SSBP3: variants seen among roughly 807,000 people sequenced by gnomAD.
SSBP3 encodes single-stranded DNA-binding protein 3.
SSBP3 carries 5 observed loss-of-function variants against 69.6 expected under a neutral mutation model. The observed-to-expected ratio is 0.07, with a 90% CI of 0.04 to 0.15. The LOEUF is 0.15. Among genes scored for constraint, SSBP3 ranks in the 10% least tolerant of loss-of-function variants. The probability of loss-of-function intolerance (pLI) is 1.00; values close to 1 mark genes in which losing one functional copy is unlikely to be tolerated. For synonymous variants in SSBP3, 196 were observed against 193.4 expected, an observed-to-expected ratio of 1.01 and a Z score of -0.11; for missense variants, 312 against 534.0, an observed-to-expected ratio of 0.58 and a Z score of 4.10.
intron 4 of SSBP3, among the ~76,000 whole-genome samples, chr1:54,371,368 C>T (rs1174219502): frequency 6.6e-6 from 1 of 152,216 alleles, no homozygotes; most frequent in Non-Finnish European, 1.5e-5. Flanking sequence ...GCCATGTGTG[C>T]ATGAACATGT....
chr1:54,395,547 G>A (rs1399644347), intron 4 of SSBP3, among the ~76,000 whole-genome samples: 1 of 152,216 alleles, frequency 6.6e-6, no homozygotes, highest in Non-Finnish European at 1.5e-5. Flanking sequence ...TTGAGGGGGT[G>A]CAGGGGTGAG....
chr1:54,254,645 G>A (rs148158057), intron 7 of SSBP3, among the ~76,000 whole-genome samples: 156 of 152,182 alleles, frequency 1.0e-3, no homozygotes, highest in African/African-American at 2.9e-3. Flanking sequence ...CCCTTTACCC[G>A]TCACAGGAGA....
At position 54,334,537 on chromosome 1, in the gene SSBP3, C is replaced by T. The variant is rs112695756; in HGVS notation, c.277-53010G>A. Among the ~76,000 whole-genome samples, 123 of 152,274 alleles carry T rather than the reference C, an allele frequency of 8.1e-4. 2 individuals carry two copies. The highest frequency in any genetic ancestry group is 2.9e-3 in the African/African-American group (120 of 41,556). On this transcript the variant is annotated intron_variant, in intron 4 of 17. Coordinates refer to ENST00000610401, the Ensembl canonical transcript of SSBP3. ...CAGGCTCTGAGTCTGACCTGGATTACAGTTGGTCCCGCCACTTTCTTGCAG... is the reference window on the plus strand; with the variant it reads ...CAGGCTCTGAGTCTGACCTGGATTATAGTTGGTCCCGCCACTTTCTTGCAG...
At chr1:54,327,029 G>A (rs1159678775) in intron 4 of SSBP3, among the ~76,000 whole-genome samples, 2 of 151,976 alleles carry the variant, frequency 1.3e-5, no homozygotes, top group Non-Finnish European at 2.9e-5. Context: ...GCAACGCCAG[G>A]GCAGAGCCGG....
At chr1:54,251,842 C>T in exon 8 of SSBP3, 1 of 1,611,836 alleles carries the variant, frequency 6.2e-7, no homozygotes, top group Non-Finnish European at 8.5e-7. Flanking sequence ...GGCTGTGTCC[C>T]AGGAACTCCT....
At chr1:54,284,342 GA>G (rs1487969629) in intron 4 of SSBP3, among the ~76,000 whole-genome samples, 2 of 151,716 alleles carry the variant, frequency 1.3e-5, no homozygotes, top group Non-Finnish European at 2.9e-5. Flanking sequence ...ATTACCTTTT[GA>G]AATGGTTTGC....
At chr1:54,408,762 A>G (rs1649916348), upstream of SSBP3, among the ~76,000 whole-genome samples, 1 of 152,210 alleles carries the variant, frequency 6.6e-6, no homozygotes, top group Non-Finnish European at 1.5e-5. Context: ...CCACCCTGGA[A>G]AAAGGACTAG....
rs561052463 is a variant in SSBP3, at chr1:54,351,644, T to C, written c.276+50217A>G. On this transcript the variant is annotated intron_variant, in intron 4 of 17. Transcript: ENST00000610401. ...AACAATCTTCCTTCATCTTTTCATG[T>C]TCCTCTGGCGTGTGGGATATTCACC... is the stretch of plus-strand genomic sequence containing the variant. Among the ~76,000 whole-genome samples the C allele has an allele frequency of 5.9e-5, 9 of 152,366 alleles. No individual in the cohort carries two copies. The East Asian group carries it at 1.3e-3, about 23-fold the overall frequency.
chr1:54,404,109 T>C (rs971339296), intron 3 of SSBP3, among the ~76,000 whole-genome samples: 1 of 152,176 alleles, frequency 6.6e-6, no homozygotes, highest in South Asian at 2.1e-4. Flanking sequence ...TTCTTGCTCT[T>C]TCTCAGGGTG....
intron 4 of SSBP3, among the ~76,000 whole-genome samples, chr1:54,345,996 A>C (rs1336996820): frequency 1.3e-5 from 2 of 151,552 alleles, no homozygotes; most frequent in African/African-American, 4.8e-5. Context: ...CAAAAAAAAA[A>C]AAACAAAACA....
At chr1:54,327,556 ATTTC>A (rs1434530285) in intron 4 of SSBP3, among the ~76,000 whole-genome samples, 8 of 151,940 alleles carry the variant, frequency 5.3e-5, no homozygotes, top group Admixed American at 3.9e-4. Flanking sequence ...ATCGCCCTGG[ATTTC>A]TTTCTTTCTT....
intron 5 of SSBP3, among the ~76,000 whole-genome samples, chr1:54,267,862 G>A (rs1036065876): frequency 2.0e-5 from 3 of 152,054 alleles, no homozygotes; most frequent in South Asian, 4.1e-4. Context: ...CTGCTGCCCC[G>A]CTAAGTCACA....
intron 4 of SSBP3, among the ~76,000 whole-genome samples, chr1:54,370,407 G>C (rs974949344): frequency 6.6e-6 from 1 of 152,140 alleles, no homozygotes; most frequent in East Asian, 1.9e-4. Flanking sequence ...TTCTGAACCC[G>C]GGTTGGCAGA....
chr1:54,374,908 G>A (rs538780519), intron 4 of SSBP3, among the ~76,000 whole-genome samples: 2 of 152,332 alleles, frequency 1.3e-5, no homozygotes, highest in South Asian at 4.1e-4. Flanking sequence ...CCACTCAGGT[G>A]GGCAGGAGGC....
intron 4 of SSBP3, among the ~76,000 whole-genome samples, chr1:54,285,673 A>G (rs1280375602): frequency 6.6e-6 from 1 of 151,690 alleles, no homozygotes; most frequent in African/African-American, 2.4e-5. Context: ...GTGGTTTCCA[A>G]CTTTGAGCTG....
chr1:54,275,065 C>T (rs555356345), intron 5 of SSBP3, among the ~76,000 whole-genome samples: 9 of 152,340 alleles, frequency 5.9e-5, no homozygotes, highest in East Asian at 3.9e-4. Flanking sequence ...ACCTCTCCAG[C>T]GTGGCACTCA....
chr1:54,240,096 G>T lies in SSBP3; in HGVS notation c.856+809C>A, dbSNP rs28576937. Among the ~76,000 whole-genome samples, 14 of 12,816 alleles carry T rather than the reference G, an allele frequency of 1.1e-3. No individual in the cohort carries two copies. In the South Asian group the frequency reaches 0.014, roughly 12 times the overall value. 8.4% of individuals were successfully genotyped at this position (12,816 alleles called of 152,430 possible). On this transcript the variant is annotated intron_variant, in intron 13 of 17. Transcript: ENST00000610401. ...TGTGTGTGTGTGTGTGTGCGCGCGCGCGCGTGTGCGTGCGCGCGCGCGCGC... is the reference window on the plus strand; with the variant it reads ...TGTGTGTGTGTGTGTGTGCGCGCGCTCGCGTGTGCGTGCGCGCGCGCGCGC...
chr1:54,395,737 C>T (rs1648818418), intron 4 of SSBP3, among the ~76,000 whole-genome samples: 1 of 152,148 alleles, frequency 6.6e-6, no homozygotes, highest in South Asian at 2.1e-4. Flanking sequence ...CTGACGATTT[C>T]CAGCCAAGAA....
chr1:54,293,667 G>A (rs1057251185), intron 4 of SSBP3, among the ~76,000 whole-genome samples: 1 of 152,206 alleles, frequency 6.6e-6, no homozygotes, highest in African/African-American at 2.4e-5. Flanking sequence ...TCAGGCCTGG[G>A]TGATACCCTT....
Sources: gnomAD v4.1 joint callset for allele counts (sites outside exome capture counted in the v4.1 genomes callset) on GRCh38, gnomAD v4.1.1 for gene constraint, MANE v1.5 for transcripts, NCBI Gene and HGNC (gene_info 2026-07-23, HGNC 2026-07-21) for gene names.